The following ANXA8 variants were observed in gnomAD, a reference collection of about 807,000 sequenced individuals.
The protein encoded by ANXA8 is VAC-beta.
Under a neutral mutation model 26.8 loss-of-function variants are expected in ANXA8, and 9 were observed. That is an observed-to-expected ratio of 0.34 (90% confidence interval 0.20 to 0.59). ANXA8 has a LOEUF of 0.59. Ranked by LOEUF, ANXA8 falls within the 20% of genes least tolerant of loss-of-function variation. ANXA8 has a pLI of 0.84. For missense variants in ANXA8, 83 were observed against 238.5 expected (o/e 0.35, Z 4.29); for synonymous variants, 39 against 94.8 (o/e 0.41, Z 3.42).
the ANXA8 span, among the ~76,000 whole-genome samples, chr10:47,639,169 C>T: frequency 6.7e-6 from 1 of 148,362 alleles, no homozygotes; most frequent in Non-Finnish European, 1.5e-5. Context: ...CTCGCTCTGT[C>T]GCCCAGGCTG....
chr10:47,699,135 C>G, the ANXA8 span, among the ~76,000 whole-genome samples: 3 of 151,350 alleles, frequency 2.0e-5, no homozygotes, highest in Non-Finnish European at 4.4e-5. Context: ...TCTCTTGAGG[C>G]CAGGAGTTTG....
At chr10:47,703,420 T>A in the ANXA8 span, among the ~76,000 whole-genome samples, 5 of 151,178 alleles carry the variant, frequency 3.3e-5, no homozygotes, top group East Asian at 9.9e-4. Flanking sequence ...ATAGAAAAAT[T>A]AACCAGGTTT....
the ANXA8 span, among the ~76,000 whole-genome samples, chr10:47,977,530 GT>G: frequency 6.6e-6 from 1 of 151,398 alleles, no homozygotes; most frequent in African/African-American, 2.4e-5. Flanking sequence ...TTAAAAACAT[GT>G]TTAAACAACT....
chr10:47,701,819 T>A, the ANXA8 span, among the ~76,000 whole-genome samples: 1 of 151,846 alleles, frequency 6.6e-6, no homozygotes, highest in African/African-American at 2.4e-5. Context: ...AATGAATGTA[T>A]TATTGTTACA....
At chr10:47,506,269 A>C in the ANXA8 span, among the ~76,000 whole-genome samples, 1 of 133,458 alleles carries the variant, frequency 7.5e-6, no homozygotes, top group Admixed American at 7.8e-5. Context: ...AACTGTCTGA[A>C]AACTTTAAAA....
At chr10:47,944,411 G>C in the ANXA8 span, among the ~76,000 whole-genome samples, 3 of 149,352 alleles carry the variant, frequency 2.0e-5, no homozygotes, top group Admixed American at 6.6e-5. Context: ...ACACCCAAGG[G>C]GGGCCCTGAG....
the ANXA8 span, among the ~76,000 whole-genome samples, chr10:47,566,960 G>C: frequency 6.8e-6 from 1 of 147,980 alleles, no homozygotes; most frequent in Non-Finnish European, 1.5e-5. Context: ...GGCTCCACTG[G>C]GCGGGGAGCC....
the ANXA8 span, among the ~76,000 whole-genome samples, chr10:47,552,884 A>C: frequency 2.0e-5 from 3 of 151,898 alleles, no homozygotes; most frequent in Admixed American, 6.6e-5. Flanking sequence ...GAGGAAATCC[A>C]AACTAGTATC....
chr10:47,694,161 C>G, the ANXA8 span, among the ~76,000 whole-genome samples: 5 of 151,686 alleles, frequency 3.3e-5, no homozygotes, highest in African/African-American at 4.9e-5. Context: ...TTTACTTAAC[C>G]ATTTTCCTAT....
chr10:47,536,386 G>GA, the ANXA8 span, among the ~76,000 whole-genome samples: 1 of 57,040 alleles, frequency 1.8e-5, no homozygotes, highest in African/African-American at 1.4e-4. Context: ...GAAAAGGCGA[G>GA]AAAAAAGATC....
At chr10:47,513,233 C>G in the ANXA8 span, among the ~76,000 whole-genome samples, 1 of 146,550 alleles carries the variant, frequency 6.8e-6, no homozygotes, top group African/African-American at 2.5e-5. Flanking sequence ...TGGGGTTTCA[C>G]CATGTTGGCC....
At chr10:47,489,962 G>T in the ANXA8 span, among the ~76,000 whole-genome samples, 1 of 150,692 alleles carries the variant, frequency 6.6e-6, no homozygotes, top group Non-Finnish European at 1.5e-5. Context: ...TGGGAGACGA[G>T]CTCAATGAGC....
the ANXA8 span, chr10:47,762,491 A>G: frequency 4.0e-6 from 1 of 251,318 alleles, no homozygotes; most frequent in Non-Finnish European, 7.2e-6. Flanking sequence ...CTCAGCGTCT[A>G]CTCCATCCCA....
At chr10:47,778,110 G>T in the ANXA8 span, among the ~76,000 whole-genome samples, 1 of 151,570 alleles carries the variant, frequency 6.6e-6, no homozygotes, top group Non-Finnish European at 1.5e-5. Flanking sequence ...GCAAGTACAG[G>T]TTGGGTATCC....
At chr10:47,918,374 AGAGAGAGAG>A in the ANXA8 span, among the ~76,000 whole-genome samples, 12 of 19,696 alleles carry the variant, frequency 6.1e-4, 1 homozygote, top group African/African-American at 3.5e-3. Context: ...AGAGAGAGAG[AGAGAGAGAG>A]AGAAAGAAAG....
the ANXA8 span, among the ~76,000 whole-genome samples, chr10:47,669,414 A>C: frequency 2.0e-5 from 3 of 150,564 alleles, no homozygotes; most frequent in Non-Finnish European, 4.4e-5. Flanking sequence ...AGTTTTGTTT[A>C]TGCCTTAAAA....
chr10:47,732,844 A>G, the ANXA8 span, among the ~76,000 whole-genome samples: 2 of 144,574 alleles, frequency 1.4e-5, no homozygotes, highest in African/African-American at 5.1e-5. Flanking sequence ...GGCACTGGAA[A>G]TGCAAAGACA....
At chr10:47,497,725 G>A in the ANXA8 span, among the ~76,000 whole-genome samples, 1 of 149,100 alleles carries the variant, frequency 6.7e-6, no homozygotes, top group Non-Finnish European at 1.5e-5. Flanking sequence ...ATCACCTGAA[G>A]TCAGGAGTTC....
chr10:47,556,076 G>GA, the ANXA8 span, among the ~76,000 whole-genome samples: 2 of 151,702 alleles, frequency 1.3e-5, no homozygotes, highest in Admixed American at 6.6e-5. Flanking sequence ...GAGACTGGTA[G>GA]AAAAAAAATG....
Sources: gnomAD v4.1 joint callset for allele counts (sites outside exome capture counted in the v4.1 genomes callset) on GRCh38, gnomAD v4.1.1 for gene constraint, MANE v1.5 for transcripts, NCBI Gene and HGNC (gene_info 2026-07-23, HGNC 2026-07-21) for gene names.